CELF3: variants seen among roughly 807,000 people sequenced by gnomAD.
CELF3 encodes the protein CUGBP Elav-like family member 3.
Under a neutral mutation model 59.6 loss-of-function variants are expected in CELF3, and 26 were observed. The observed-to-expected ratio is 0.44, with a 90% CI of 0.32 to 0.61. The LOEUF (loss-of-function observed/expected upper bound fraction) is 0.61, where lower values mean the gene tolerates loss of function less well. Ranked by LOEUF, CELF3 falls within the 20% of genes least tolerant of loss-of-function variation. CELF3 has a pLI of 0.06. For missense variants in CELF3, 387 were observed against 627.2 expected, an observed-to-expected ratio of 0.62 and a Z score of 4.09; for synonymous variants, 245 against 250.7, an observed-to-expected ratio of 0.98 and a Z score of 0.22.
chr1:151,706,261 C>T lies in CELF3; in HGVS notation c.1089G>A (p.Gln363=), dbSNP rs771281749. The T allele has an allele frequency of 2.5e-6, 4 of 1,590,098 alleles. No individual in the cohort carries two copies. The highest frequency in any genetic ancestry group is 3.4e-6 in the Non-Finnish European group (4 of 1,168,810). The stretch of plus-strand genomic sequence containing the variant: ...GCTGCTGCTGTTGCTGCTGCTGCTG[C>T]TGCTGCTGCTGTTGAGGTGGTGGTG... The part of the protein sequence containing the change: ...QPPPPPQQQQ[Q]QQQQQQQQQQ... Residue 363 remains glutamine, a synonymous_variant, in exon 10 of 13, where the codon CAG becomes CAA. Transcript: ENST00000290583.
At chr1:151,706,880 A>T (rs1179151610) in intron 8 of CELF3, 146 bp from the exon 9 acceptor site, 3 of 716,706 alleles carry the variant, frequency 4.2e-6, no homozygotes, top group Non-Finnish European at 6.8e-6. Context: ...GCAGAAATGC[A>T]CAAAGCAGTG....
rs1672848230 is a variant in CELF3, at chr1:151,709,587, A to C, written c.277+156T>G. The C allele has an allele frequency of 3.2e-6, 3 of 946,886 alleles. No individual in the cohort carries two copies. In the South Asian group the frequency reaches 4.3e-5, roughly 13 times the overall value. 58.7% of individuals were successfully genotyped at this position (946,886 alleles called of 1,614,324 possible). On this transcript the variant is annotated intron_variant, in intron 3 of 12. Coordinates refer to ENST00000290583, the MANE Select transcript of CELF3 (RefSeq NM_007185.7). This position sits in a 1 kb window ranked among gnomAD's most constrained non-coding sequence, Gnocchi z 4.9. ...GCCATCTGTACCCGCCCCAGATCTC[A>C]CCCGCTCTGGCCACACTGACTCCTA...
At position 151,705,674 on chromosome 1, in the gene CELF3, T is replaced by C. The variant is rs988919506; in HGVS notation, c.1270+148A>G. The C allele has an allele frequency of 3.6e-6, 3 of 828,928 alleles. No homozygotes were observed. The highest frequency in any genetic ancestry group is 3.8e-6 in the Non-Finnish European group (2 of 532,320). 51.3% of individuals were successfully genotyped at this position (828,928 alleles called of 1,614,324 possible). On this transcript the variant is annotated intron_variant, in intron 11 of 12. Transcript: ENST00000290583. The surrounding 1 kb of genome is among the most constrained non-coding windows in gnomAD (Gnocchi z 5.1). ...GCCGAGGCAGCAGCTGGGTGTGGCA[T>C]GTTGGGTGTGTCAAAATGGCTCTTT... is the stretch of plus-strand genomic sequence containing the variant.
chr1:151,706,212 C>A lies in CELF3; in HGVS notation c.1126+12G>T. The A allele has an allele frequency of 6.2e-7, 1 of 1,611,360 alleles. No individual in the cohort carries two copies. Among genetic ancestry groups the A allele is most frequent in the East Asian group, 2.2e-5 (1 of 44,810 alleles). On this transcript the variant is annotated intron_variant, in intron 10 of 12. Coordinates refer to ENST00000290583, the MANE Select transcript of CELF3 (RefSeq NM_007185.7). Reference sequence around the variant, plus strand: ...CGAGGGCATTCCTGTCTCCCAAGGCCCCAGCCAGCACCTTCTCTTTGCTGC... The same window carrying A: ...CGAGGGCATTCCTGTCTCCCAAGGCACCAGCCAGCACCTTCTCTTTGCTGC...
Position 151,702,432 on chromosome 1 carries a change from C to T in CELF3, c.*1027G>A, listed in dbSNP as rs1004785581. ...TTTTAAACTTTTTTCTTTATTTAGA[C>T]AGAAAAGACCAACTCTTTAAAAGTA... On this transcript the variant is annotated 3_prime_UTR_variant, in exon 13 of 13. Coordinates refer to ENST00000290583, the MANE Select transcript of CELF3 (RefSeq NM_007185.7). 7.2e-5 allele frequency: 11 copies of T among 152,074 alleles called. No individual in the cohort carries two copies. The highest frequency in any genetic ancestry group is 2.7e-4 in the African/African-American group (11 of 41,384). 9.4% of individuals were successfully genotyped at this position (152,074 alleles called of 1,614,324 possible).
Position 151,701,670 on chromosome 1 carries a change from T to A in CELF3, c.*1789A>T, listed in dbSNP as rs535879130. On this transcript the variant is annotated 3_prime_UTR_variant, in exon 13 of 13. Transcript: ENST00000290583. The stretch of plus-strand genomic sequence containing the variant: ...GGCTCATGCCTGTAATCTGAGCACT[T>A]CGGGAGGCCAAGGCAGGAGGTTTGC... 1.1e-4 allele frequency among the ~76,000 whole-genome samples: 16 copies of A among 151,858 alleles called. No individual in the cohort carries two copies. Among genetic ancestry groups the A allele is most frequent in the African/African-American group, 3.6e-4 (15 of 41,400 alleles).
At position 151,716,109 on chromosome 1, in the gene CELF3, C is replaced by T; in HGVS notation, c.-89G>A. On this transcript the variant is annotated 5_prime_UTR_variant, in exon 1 of 13. Coordinates refer to ENST00000290583, the MANE Select transcript of CELF3 (RefSeq NM_007185.7). The stretch of plus-strand genomic sequence containing the variant: ...CCCAGCAAGGAGATAAGTGGTGGGG[C>T]CCGGGGGCCCAGCTGGGGCTGGCTT... 1.4e-6 allele frequency: 2 copies of T among 1,386,296 alleles called. No individual in the cohort carries two copies. Among genetic ancestry groups the T allele is most frequent in the Non-Finnish European group, 1.9e-6 (2 of 1,035,688 alleles). The allele number at this position is 1,386,296 out of a possible 1,614,324, so 85.9% of individuals were successfully genotyped here.
rs1225347727 is a variant in CELF3 at position 151,700,606 on chromosome 1, T to C, written c.*2853A>G. Among the ~76,000 whole-genome samples the C allele has an allele frequency of 6.6e-6, 1 of 152,158 alleles. No homozygotes were observed. Among genetic ancestry groups the C allele is most frequent in the Admixed American group, 6.6e-5 (1 of 15,262 alleles). ...TTTTATTAGCTGCAGTTTAGAAAGATTGATGCTTCAGAACATAGACAGAAG... is the reference window on the plus strand; with the variant it reads ...TTTTATTAGCTGCAGTTTAGAAAGACTGATGCTTCAGAACATAGACAGAAG... On this transcript the variant is annotated 3_prime_UTR_variant, in exon 13 of 13. Coordinates refer to ENST00000290583, the MANE Select transcript of CELF3 (RefSeq NM_007185.7).
intron 1 of CELF3, among the ~76,000 whole-genome samples, 160 bp from the exon 2 acceptor site, chr1:151,714,836 GC>G (rs1673336787): frequency 6.6e-6 from 1 of 152,032 alleles, no homozygotes; most frequent in Non-Finnish European, 1.5e-5. Flanking sequence ...TAGACTCTCT[GC>G]CCCAGAAGTG....
In CELF3 at chr1:151,700,724, T is replaced by C. The variant is rs1406207648; in HGVS notation, c.*2735A>G. Among the ~76,000 whole-genome samples, 1 of 152,204 alleles carries C rather than the reference T, an allele frequency of 6.6e-6. No homozygotes were observed. The highest frequency in any genetic ancestry group is 1.5e-5 in the Non-Finnish European group (1 of 68,030). On this transcript the variant is annotated 3_prime_UTR_variant, in exon 13 of 13. Transcript: ENST00000290583. ...AATGATATGAGAAAGTTTGTGGAAG[T>C]GAAATCTTAAATGATTTAATACCAT...
In CELF3 at chr1:151,707,576, C is replaced by T. The variant is rs764774518; in HGVS notation, c.703G>A (p.Val235Met). 30 of 1,609,270 alleles carry T rather than the reference C, an allele frequency of 1.9e-5. No individual in the cohort carries two copies. Among genetic ancestry groups the T allele is most frequent in the East Asian group, 6.7e-5 (3 of 44,804 alleles). ...YLSPMATMAA[V>M]QMQHMAAINA... is the part of the protein sequence containing the mutation. ...ATGGCAGCCATGTGCTGCATCTGCA[C>T]GGCAGCCATGGTGGCCATGGGGCTG... The change falls in exon 7 of 13, where the codon GTG (valine) becomes ATG (methionine). Residue 235 changes from valine to methionine, a missense_variant. Around this residue, in one of 3 missense-constraint regions of CELF3, gnomAD observed 208 missense variants for 354.8 expected, o/e 0.59. Coordinates refer to ENST00000290583, the MANE Select transcript of CELF3 (RefSeq NM_007185.7).
chr1:151,711,081 G>A, intron 2 of CELF3: 1 of 338,122 alleles, frequency 3.0e-6, no homozygotes. Flanking sequence ...TGGACTGGGA[G>A]TCAGGAGACC....
chr1:151,709,551 G>T lies in CELF3; in HGVS notation c.277+192C>A. 1.1e-6 allele frequency: 1 copy of T among 920,222 alleles called. No individual in the cohort carries two copies. The highest frequency in any genetic ancestry group is 1.7e-6 in the Non-Finnish European group (1 of 594,954). The allele number at this position is 920,222 out of a possible 1,614,324, so 57.0% of individuals were successfully genotyped here. On this transcript the variant is annotated intron_variant, in intron 3 of 12. Transcript: ENST00000290583. This position sits in a 1 kb window ranked among gnomAD's most constrained non-coding sequence, Gnocchi z 4.9. Reference sequence around the variant, plus strand: ...CTGAGGGACTCGCACTCCACCCTGGGCCTCAGTTTTGCCATCTGTACCCGC... The same window carrying T: ...CTGAGGGACTCGCACTCCACCCTGGTCCTCAGTTTTGCCATCTGTACCCGC...
At position 151,705,046 on chromosome 1, in the gene CELF3, A is replaced by AGGGCCGGTTGGCATCCTT; in HGVS notation, c.1375_1392dup (p.Lys459_Pro464dup). The stretch of plus-strand genomic sequence containing the variant: ...CGGGACCCACCTGGGGGCCCTCAGT[A>AGGGCCGGTTGGCATCCTT]GGGCCGGTTGGCATCCTTAGGCCGC... On this transcript the variant is annotated inframe_insertion, in exon 12 of 13. Transcript: ENST00000290583. This position sits in a 1 kb window ranked among gnomAD's most constrained non-coding sequence, Gnocchi z 5.1. 1 of 1,612,462 alleles carries AGGGCCGGTTGGCATCCTT rather than the reference A, an allele frequency of 6.2e-7. No individual in the cohort carries two copies. The highest frequency in any genetic ancestry group is 8.5e-7 in the Non-Finnish European group (1 of 1,178,806).
chr1:151,713,772 G>A lies in CELF3; in HGVS notation c.228+822C>T, dbSNP rs764188718. Among the ~76,000 whole-genome samples, 148 of 152,312 alleles carry A rather than the reference G, an allele frequency of 9.7e-4. 3 individuals are homozygous for A. Among genetic ancestry groups the A allele is most frequent in the Middle Eastern group, 6.8e-3 (2 of 294 alleles). On this transcript the variant is annotated intron_variant, in intron 2 of 12. Transcript: ENST00000290583. ...CTGACTGGGATAAGATCTTTGGTGGGCGTGGGGGTTTGGGTGGATTTGCCG... is the reference window on the plus strand; with the variant it reads ...CTGACTGGGATAAGATCTTTGGTGGACGTGGGGGTTTGGGTGGATTTGCCG...
chr1:151,705,844 G>C lies in CELF3; in HGVS notation c.1248C>G (p.Ala416=). 6.2e-7 allele frequency: 1 copy of C among 1,614,154 alleles called. No homozygotes were observed. The highest frequency in any genetic ancestry group is 8.5e-7 in the Non-Finnish European group (1 of 1,180,026). ...VISAKVFVDR[A]TNQSKCFGFV... ...TACCAAAACATTTGCTTTGATTGGT[G>C]GCTCGGTCAACAAAGACTTTGGCTG... The change falls in exon 11 of 13, where the codon GCC becomes GCG. Residue 416 remains alanine (A), a synonymous_variant. Transcript: ENST00000290583. This position sits in a 1 kb window ranked among gnomAD's most constrained non-coding sequence, Gnocchi z 5.1.
At chr1:151,710,959 C>T (rs541250244) in intron 2 of CELF3, 2 of 399,324 alleles carry the variant, frequency 5.0e-6, no homozygotes, top group East Asian at 1.4e-4. Flanking sequence ...GCTGGAACCA[C>T]ACCTGGTTGC....
Position 151,716,016 on chromosome 1 carries a change from T to G in CELF3, c.5A>C (p.Lys2Thr). ...AAACAGCTTGATGGCATCCGGCTCC[T>G]TCATTGAGGCGGCCCAGGAGGAGGG... M[K>T]EPDAIKLFVG... The change falls in exon 1 of 13, where the codon AAG becomes ACG. Residue 2 changes from lysine (K) to threonine (T), a missense_variant. Physicochemically the swap from Lys to Thr is moderately conservative, Grantham distance 78 (BLOSUM62 -1). Coordinates refer to ENST00000290583, the MANE Select transcript of CELF3 (RefSeq NM_007185.7). The G allele has an allele frequency of 6.2e-7, 1 of 1,611,418 alleles. No individual in the cohort carries two copies. Among genetic ancestry groups the G allele is most frequent in the Non-Finnish European group, 8.5e-7 (1 of 1,178,464 alleles).
chr1:151,709,947 G>A lies in CELF3; in HGVS notation c.229-156C>T. On this transcript the variant is annotated intron_variant, in intron 2 of 12. Transcript: ENST00000290583. This position sits in a 1 kb window ranked among gnomAD's most constrained non-coding sequence, Gnocchi z 4.9. ...GACAGGGCCTAATACTGTTCAGGATGAAGGCCTGAGGGGATCAGAGGCACA... is the reference window on the plus strand; with the variant it reads ...GACAGGGCCTAATACTGTTCAGGATAAAGGCCTGAGGGGATCAGAGGCACA... 1 of 736,874 alleles carries A rather than the reference G, an allele frequency of 1.4e-6. No individual in the cohort carries two copies. Among genetic ancestry groups the A allele is most frequent in the South Asian group, 1.5e-5 (1 of 68,046 alleles). 45.6% of individuals were successfully genotyped at this position (736,874 alleles called of 1,614,324 possible).
Sources: gnomAD v4.1 joint callset for allele counts (sites outside exome capture counted in the v4.1 genomes callset) on GRCh38, gnomAD v4.1.1 for gene constraint, gnomAD v4.1.1 regional missense constraint, Gnocchi (gnomAD v3.1) non-coding constraint, MANE v1.5 for transcripts, NCBI Gene and HGNC (gene_info 2026-07-23, HGNC 2026-07-21) for gene names.